The following ZFP64 variants were observed in gnomAD, a reference collection of about 807,000 sequenced individuals.
ZFP64 encodes ZFP64 zinc finger protein, also known as zinc finger protein 64.
Under a neutral mutation model 51.6 loss-of-function variants are expected in ZFP64, and 14 were observed. That is an observed-to-expected ratio of 0.27 (90% CI 0.18 to 0.42). The LOEUF is 0.42. ZFP64 is among the 10% of genes least tolerant of loss of function. The pLI is 1.00. For synonymous variants in ZFP64, 375 were observed against 361.4 expected (o/e 1.04, Z -0.43); for missense variants, 754 against 906.8 (o/e 0.83, Z 2.16).
chr20:52,166,951 C>T (rs951354490), intron 2 of ZFP64, among the ~76,000 whole-genome samples: 3 of 149,802 alleles, frequency 2.0e-5, no homozygotes, highest in African/African-American at 4.9e-5. Context: ...TATTTCCCCC[C>T]CTCAAAAAAT....
chr20:52,144,964 T>C (rs1047714664), intron 5 of ZFP64, among the ~76,000 whole-genome samples: 2 of 152,014 alleles, frequency 1.3e-5, no homozygotes, highest in Admixed American at 6.6e-5. Context: ...CAGAAAATAA[T>C]TGGGAAATTT....
intron 5 of ZFP64, among the ~76,000 whole-genome samples, chr20:52,108,983 A>C (rs1027749475): frequency 6.6e-6 from 1 of 151,856 alleles, no homozygotes; most frequent in African/African-American, 2.4e-5. Context: ...TCCTCTTTCA[A>C]TCCCATTTGC....
intron 5 of ZFP64, chr20:52,111,196 AATTTTTT>A: frequency 3.8e-6 from 2 of 532,942 alleles, no homozygotes; most frequent in Non-Finnish European, 6.4e-6. Context: ...GTCAGCGGTC[AATTTTTT>A]TTTTTTTTTT....
chr20:52,182,026 A>G (rs1983650492), intron 2 of ZFP64, among the ~76,000 whole-genome samples: 1 of 152,234 alleles, frequency 6.6e-6, no homozygotes, highest in Non-Finnish European at 1.5e-5. Context: ...CCACCTGTTT[A>G]TTAGACTCTA....
intron 6 of ZFP64, chr20:52,097,534 A>T: frequency 9.3e-7 from 1 of 1,080,380 alleles, no homozygotes; most frequent in East Asian, 2.4e-5. Context: ...GGCTCACTGC[A>T]ACCTCCGCCT....
chr20:52,084,481 A>C, exon 9 of ZFP64: 1 of 1,406,774 alleles, frequency 7.1e-7, no homozygotes, highest in Middle Eastern at 2.6e-4. Context: ...CCTGTCTCTC[A>C]GTGGCCTCAC....
At chr20:52,161,456 T>C (rs1455277140) in intron 4 of ZFP64, among the ~76,000 whole-genome samples, 11 of 145,736 alleles carry the variant, frequency 7.5e-5, no homozygotes, top group Admixed American at 2.0e-4. Context: ...CTTTCTTTTT[T>C]TTTTTTTTTT....
chr20:52,129,644 C>A (rs1217245346), intron 5 of ZFP64, among the ~76,000 whole-genome samples: 7 of 152,142 alleles, frequency 4.6e-5, no homozygotes, highest in Non-Finnish European at 1.0e-4. Flanking sequence ...AGGTGCTGGT[C>A]ACCCCGGCCC....
At chr20:52,117,963 T>C (rs560594448) in intron 5 of ZFP64, among the ~76,000 whole-genome samples, 27 of 148,250 alleles carry the variant, frequency 1.8e-4, no homozygotes, top group Middle Eastern at 3.4e-3. Flanking sequence ...ACCCAGCATA[T>C]TTTTTTTTTG....
At chr20:52,169,067 T>G (rs1227236354) in intron 2 of ZFP64, among the ~76,000 whole-genome samples, 1 of 152,238 alleles carries the variant, frequency 6.6e-6, no homozygotes, top group Non-Finnish European at 1.5e-5. Flanking sequence ...ACTATGGATG[T>G]GACCTCAGGC....
intron 5 of ZFP64, among the ~76,000 whole-genome samples, chr20:52,135,272 G>A (rs868272516): frequency 3.9e-5 from 6 of 152,072 alleles, no homozygotes; most frequent in African/African-American, 1.2e-4. Context: ...GAATTTTATC[G>A]AAGCACAGCC....
chr20:52,168,827 A>T (rs1480967173), intron 2 of ZFP64, among the ~76,000 whole-genome samples: 1 of 152,244 alleles, frequency 6.6e-6, no homozygotes, highest in Non-Finnish European at 1.5e-5. Context: ...CTTGGAAGAC[A>T]TTTTAAACAG....
chr20:52,107,375 C>A (rs1978333694), intron 5 of ZFP64, among the ~76,000 whole-genome samples: 2 of 152,050 alleles, frequency 1.3e-5, no homozygotes, highest in South Asian at 4.1e-4. Flanking sequence ...CTTGCTTGCA[C>A]CTCTGTTTAT....
At position 52,186,854 on chromosome 20, in the gene ZFP64, G is replaced by C. The variant is rs1461278198; in HGVS notation, c.264C>G (p.Thr88=). The change falls in exon 2 of 6, where the codon ACC becomes ACG. Residue 88 remains threonine, a synonymous_variant. Transcript: ENST00000216923. ...TACCTGTGATTGTCTGGGTCTCCGA[G>C]GTGATGGTTCTGGTGGTGGTCTGAG... The part of the protein sequence containing the change: ...TQTQTTTRTI[T]SETQTITVSA... 1 of 1,611,276 alleles carries C rather than the reference G, an allele frequency of 6.2e-7. No individual in the cohort carries two copies. The highest frequency in any genetic ancestry group is 8.5e-7 in the Non-Finnish European group (1 of 1,177,580).
At chr20:52,172,530 G>A (rs1333431077) in intron 2 of ZFP64, among the ~76,000 whole-genome samples, 1 of 151,864 alleles carries the variant, frequency 6.6e-6, no homozygotes, top group African/African-American at 2.4e-5. Context: ...ATGGGCCTTG[G>A]GGAATCTCAG....
At chr20:52,159,497 T>C (rs560385242) in intron 5 of ZFP64, among the ~76,000 whole-genome samples, 1 of 152,360 alleles carries the variant, frequency 6.6e-6, no homozygotes, top group South Asian at 2.1e-4. Flanking sequence ...TATAAAGTTA[T>C]AAACTTCATG....
At chr20:52,188,220 G>C (rs1984110494) in intron 1 of ZFP64, among the ~76,000 whole-genome samples, 1 of 151,254 alleles carries the variant, frequency 6.6e-6, no homozygotes, top group Admixed American at 6.6e-5. Context: ...ATCAATTCCA[G>C]ATTTCATTAG....
chr20:52,151,740 C>T lies in ZFP64; in HGVS notation c.*406G>A, dbSNP rs192571880. 1 of 1,014,410 alleles carries T rather than the reference C, an allele frequency of 9.9e-7. No individual in the cohort carries two copies. The highest frequency in any genetic ancestry group is 1.7e-5 in the African/African-American group (1 of 58,118). The allele number at this position is 1,014,410 out of a possible 1,614,324, so 62.8% of individuals were successfully genotyped here. A position where few individuals can be genotyped will look rare whatever the true frequency, so the allele number is the denominator to read the frequency against. On this transcript the variant is annotated 3_prime_UTR_variant, in exon 6 of 6. Transcript: ENST00000216923. Reference sequence around the variant, plus strand: ...ATTATGGGGCCAGGGGGATTCACAACCATCCTTAAAAACATTAAGAGCAAA... The same window carrying T: ...ATTATGGGGCCAGGGGGATTCACAATCATCCTTAAAAACATTAAGAGCAAA...
chr20:52,122,948 CATAAACTTAGTTGATA>C (rs1339328345), intron 5 of ZFP64, among the ~76,000 whole-genome samples: 1 of 152,002 alleles, frequency 6.6e-6, no homozygotes, highest in Non-Finnish European at 1.5e-5. Context: ...TAGAATATTG[CATAAACTTAGTTGATA>C]AAGTAGCAGC....
Sources: gnomAD v4.1 joint callset for allele counts (sites outside exome capture counted in the v4.1 genomes callset) on GRCh38, gnomAD v4.1.1 for gene constraint, MANE v1.5 for transcripts, NCBI Gene and HGNC (gene_info 2026-07-23, HGNC 2026-07-21) for gene names.